The following DPP6 variants were observed in gnomAD, a reference collection of about 807,000 sequenced individuals.
DPP6 encodes the protein A-type potassium channel modulatory protein DPP6.
A neutral mutation model predicts 122.6 loss-of-function variants in DPP6; 69 were observed. That is an observed-to-expected ratio of 0.56 (90% confidence interval 0.46 to 0.69). The LOEUF (loss-of-function observed/expected upper bound fraction) is 0.69, where lower values mean the gene tolerates loss of function less well. Among genes scored for constraint, DPP6 ranks in the 30% least tolerant of loss-of-function variants. The pLI is 0.00. For missense variants in DPP6, 928 were observed against 1,116.9 expected (o/e 0.83, Z 2.41); for synonymous variants, 418 against 433.1 (o/e 0.97, Z 0.43).
chr7:154,037,200 C>T (rs1237897228), intron 1 of DPP6, among the ~76,000 whole-genome samples: 1 of 152,106 alleles, frequency 6.6e-6, no homozygotes, highest in Non-Finnish European at 1.5e-5. Context: ...TTCCCAGGAA[C>T]CAGAGAGGAG....
intron 16 of DPP6, among the ~76,000 whole-genome samples, chr7:154,842,363 AT>A (rs888242962): frequency 1.3e-5 from 2 of 152,090 alleles, no homozygotes; most frequent in African/African-American, 2.4e-5. Context: ...GTCTTTATGA[AT>A]TTTTTTTATT....
At chr7:154,236,353 G>A (rs1052469615) in intron 1 of DPP6, among the ~76,000 whole-genome samples, 1 of 152,050 alleles carries the variant, frequency 6.6e-6, no homozygotes, top group Non-Finnish European at 1.5e-5. Context: ...TGCCTATAGA[G>A]GCATTTCATC....
intron 1 of DPP6, among the ~76,000 whole-genome samples, chr7:153,908,382 A>T (rs1799940286): frequency 6.6e-6 from 1 of 152,204 alleles, no homozygotes; most frequent in South Asian, 2.1e-4. Context: ...CTGGATAGGA[A>T]CAAAATCCTG....
intron 1 of DPP6, among the ~76,000 whole-genome samples, chr7:154,353,590 T>C (rs979984195): frequency 6.6e-6 from 1 of 152,098 alleles, no homozygotes; most frequent in Non-Finnish European, 1.5e-5. Context: ...GAATCCTAGG[T>C]CTGATACCAG....
At chr7:154,210,028 C>T (rs1404237230) in intron 1 of DPP6, among the ~76,000 whole-genome samples, 1 of 152,188 alleles carries the variant, frequency 6.6e-6, no homozygotes, top group Non-Finnish European at 1.5e-5. Context: ...AAACTCCACC[C>T]TCTCTGGCTT....
intron 1 of DPP6, among the ~76,000 whole-genome samples, chr7:154,304,362 G>A (rs958032663): frequency 2.6e-5 from 4 of 152,184 alleles, no homozygotes; most frequent in South Asian, 2.1e-4. Flanking sequence ...CTGCATTTCC[G>A]CTCTACCCAC....
At chr7:154,408,433 G>T (rs1009057979) in intron 1 of DPP6, among the ~76,000 whole-genome samples, 1 of 151,756 alleles carries the variant, frequency 6.6e-6, no homozygotes, top group Admixed American at 6.6e-5. Context: ...TGTGGTTATT[G>T]TTTTTTTAAA....
intron 1 of DPP6, among the ~76,000 whole-genome samples, chr7:154,445,854 G>C (rs1388443727): frequency 2.0e-5 from 3 of 152,268 alleles, no homozygotes; most frequent in East Asian, 3.9e-4. Flanking sequence ...ATTCAATGAG[G>C]GTAAGGAATT....
the DPP6 span, among the ~76,000 whole-genome samples, chr7:153,795,290 CT>C: frequency 6.6e-6 from 1 of 152,180 alleles, no homozygotes; most frequent in African/African-American, 2.4e-5. Flanking sequence ...TGGCACATGA[CT>C]TTAGTCCCAT....
chr7:154,427,011 G>A (rs563234108), intron 1 of DPP6, among the ~76,000 whole-genome samples: 2 of 152,218 alleles, frequency 1.3e-5, no homozygotes, highest in Non-Finnish European at 2.9e-5. Context: ...ATCAGTGCTA[G>A]TAGGTTTTTC....
At chr7:154,413,956 TA>T (rs1198976746) in intron 1 of DPP6, among the ~76,000 whole-genome samples, 1 of 152,274 alleles carries the variant, frequency 6.6e-6, no homozygotes, top group East Asian at 1.9e-4. Flanking sequence ...TATTGAACTT[TA>T]AAAAAAGATA....
chr7:153,803,150 G>A, the DPP6 span, among the ~76,000 whole-genome samples: 1 of 151,602 alleles, frequency 6.6e-6, no homozygotes, highest in African/African-American at 2.4e-5. Context: ...GTCCAGACAC[G>A]TGGGCGTCCC....
At chr7:153,774,106 T>C in the DPP6 span, among the ~76,000 whole-genome samples, 63,004 of 151,732 alleles carry the variant, frequency 0.42, 13,469 homozygotes, top group South Asian at 0.52. Context: ...GTACCAATTA[T>C]GTTGACTGAA....
rs552089043 is a variant in DPP6, at chr7:154,880,951, G to C, written c.2133+9G>C. The C allele has an allele frequency of 1.7e-4, 268 of 1,613,844 alleles. 3 individuals are homozygous for C. In the South Asian group the frequency reaches 2.8e-3, roughly 17 times the overall value. ...TGGCCGTGTTTGGGAAGGTGAGTCT[G>C]CGCCACCCTGGTCTGAAAACCCCTC... On this transcript the variant is annotated intron_variant, in intron 21 of 25. Coordinates refer to ENST00000377770, the MANE Select transcript of DPP6 (RefSeq NM_130797.4).
intron 7 of DPP6, among the ~76,000 whole-genome samples, chr7:154,712,488 T>A (rs1167070647): frequency 6.6e-6 from 1 of 152,192 alleles, no homozygotes; most frequent in African/African-American, 2.4e-5. Flanking sequence ...CTCATGCTGC[T>A]ATGAAGAAAT....
rs554382860 is a variant in DPP6 at position 154,042,303 on chromosome 7, G to A, written c.51+154569G>A. 5.3e-5 allele frequency among the ~76,000 whole-genome samples: 8 copies of A among 152,288 alleles called. No individual in the cohort carries two copies. In the South Asian group the frequency reaches 1.7e-3, roughly 32 times the overall value. ...ATTCTATATTGGCAGGTAAATAAGT[G>A]AGAAGGGATATGGGTGCAGCACGGG... On this transcript the variant is annotated intron_variant, in intron 1 of 25. Coordinates refer to the DPP6 transcript ENST00000404039.
At chr7:153,779,129 A>G in the DPP6 span, among the ~76,000 whole-genome samples, 4,034 of 139,520 alleles carry the variant, frequency 0.029, 384 homozygotes, top group African/African-American at 0.088. Context: ...TGGAAAGAAC[A>G]AAAGTACAGA....
intron 10 of DPP6, among the ~76,000 whole-genome samples, chr7:154,791,259 A>G (rs1365380959): frequency 1.3e-5 from 2 of 151,180 alleles, no homozygotes; most frequent in Non-Finnish European, 2.9e-5. Flanking sequence ...GTCTCAAAAA[A>G]ATAAAAATAA....
Position 154,483,232 on chromosome 7 carries a change from G to A in DPP6, c.457+8195G>A, listed in dbSNP as rs529366983. On this transcript the variant is annotated intron_variant, in intron 3 of 25. Coordinates refer to ENST00000377770, the MANE Select transcript of DPP6 (RefSeq NM_130797.4). The surrounding 1 kb of genome is among the most constrained non-coding windows in gnomAD (Gnocchi z 8.1). ...GTTAGTGTGCTGCCGATTTTGTAACGGCAGATGTAAATGAAAAACCACCCC... is the reference window on the plus strand; with the variant it reads ...GTTAGTGTGCTGCCGATTTTGTAACAGCAGATGTAAATGAAAAACCACCCC... Among the ~76,000 whole-genome samples, 24 of 152,216 alleles carry A rather than the reference G, an allele frequency of 1.6e-4. No homozygotes were observed. Among genetic ancestry groups the A allele is most frequent in the East Asian group, 5.8e-4 (3 of 5,168 alleles).
Sources: gnomAD v4.1 joint callset for allele counts (sites outside exome capture counted in the v4.1 genomes callset) on GRCh38, gnomAD v4.1.1 for gene constraint, Gnocchi (gnomAD v3.1) non-coding constraint, MANE v1.5 for transcripts, NCBI Gene and HGNC (gene_info 2026-07-23, HGNC 2026-07-21) for gene names.